The following NTRK3 variants were observed in gnomAD, a reference collection of about 807,000 sequenced individuals.
NTRK3 encodes NT-3 growth factor receptor.
Under a neutral mutation model 91.7 loss-of-function variants are expected in NTRK3, and 24 were observed. The observed-to-expected ratio is 0.26, with a 90% CI of 0.19 to 0.37. The LOEUF (loss-of-function observed/expected upper bound fraction) is 0.37, where lower values mean the gene tolerates loss of function less well. Among genes scored for constraint, NTRK3 ranks in the 10% least tolerant of loss-of-function variants. The probability of loss-of-function intolerance (pLI) is 1.00; values close to 1 mark genes in which losing one functional copy is unlikely to be tolerated. For synonymous variants in NTRK3, 483 were observed against 404.0 expected (o/e 1.20, Z -2.34); for missense variants, 880 against 1,068.9 (o/e 0.82, Z 2.46).
intron 17 of NTRK3, among the ~76,000 whole-genome samples, chr15:87,909,779 A>T (rs2066980376): frequency 6.6e-6 from 1 of 152,188 alleles, no homozygotes; most frequent in Admixed American, 6.5e-5. Context: ...TGGGGTCCTT[A>T]TAAGAAGAGA....
At chr15:88,227,137 C>G (rs553313253) in intron 3 of NTRK3, among the ~76,000 whole-genome samples, 147 of 152,256 alleles carry the variant, frequency 9.7e-4, no homozygotes, top group African/African-American at 3.1e-3. Flanking sequence ...ACCTCTTATT[C>G]TCTCTCTCCC....
At chr15:88,013,534 G>T (rs1256808332) in intron 14 of NTRK3, among the ~76,000 whole-genome samples, 1 of 152,204 alleles carries the variant, frequency 6.6e-6, no homozygotes. Flanking sequence ...GAATAGAAAT[G>T]AATTCCCTTT....
chr15:87,881,685 C>G (rs1295896577), intron 17 of NTRK3, among the ~76,000 whole-genome samples: 1 of 152,052 alleles, frequency 6.6e-6, no homozygotes, highest in Non-Finnish European at 1.5e-5. Context: ...TCCCAAAGTG[C>G]TGGGATTACA....
chr15:87,894,725 A>G (rs891324734), intron 17 of NTRK3, among the ~76,000 whole-genome samples: 4 of 152,142 alleles, frequency 2.6e-5, no homozygotes, highest in African/African-American at 7.2e-5. Context: ...GTATGTCTCA[A>G]TAGTTCCTTC....
chr15:88,196,284 G>A (rs2047812229), intron 3 of NTRK3, among the ~76,000 whole-genome samples: 1 of 152,190 alleles, frequency 6.6e-6, no homozygotes, highest in Admixed American at 6.5e-5. Context: ...GATTAGTCAA[G>A]GTAAGCATCA....
intron 14 of NTRK3, among the ~76,000 whole-genome samples, chr15:87,941,392 A>C (rs1240809463): frequency 6.6e-6 from 1 of 152,184 alleles, no homozygotes; most frequent in Admixed American, 6.5e-5. Flanking sequence ...GAGATAATCC[A>C]TATAAAGAGC....
rs1006046 is a variant in NTRK3, at chr15:87,932,935, A to C, written c.1889+77T>G. 0.052 allele frequency: 76,268 copies of C among 1,475,410 alleles called. 2,266 individuals are homozygous for C. Among genetic ancestry groups the C allele is most frequent in the African/African-American group, 0.077 (5,593 of 72,278 alleles). 91.4% of individuals were successfully genotyped at this position (1,475,410 alleles called of 1,614,324 possible). ...GGAAAGTGTTTAGAGGGGGTAGTAT[A>C]ATTTCTGGCTCCAGGGAAAACCCCA... On this transcript the variant is annotated intron_variant, in intron 16 of 18. Coordinates refer to ENST00000394480, the Ensembl canonical transcript of NTRK3.
chr15:88,123,774 G>C (rs905522649), intron 13 of NTRK3, among the ~76,000 whole-genome samples: 2 of 152,188 alleles, frequency 1.3e-5, no homozygotes, highest in Admixed American at 1.3e-4. Flanking sequence ...ATTGGCAATT[G>C]GTTGAAAGAG....
chr15:87,929,291 C>A, exon 17 of NTRK3: 1 of 1,614,118 alleles, frequency 6.2e-7, no homozygotes, highest in Non-Finnish European at 8.5e-7. Context: ...GGCCAGGTCT[C>A]GGTGCACAAA....
At chr15:88,072,323 T>TC (rs1218852720) in intron 13 of NTRK3, 1 of 189,946 alleles carries the variant, frequency 5.3e-6, no homozygotes, top group Non-Finnish European at 1.1e-5. Flanking sequence ...CTTTTCATAC[T>TC]CCCCTCAGGG....
chr15:88,084,947 T>C (rs16941225), intron 13 of NTRK3, among the ~76,000 whole-genome samples: 5,132 of 152,270 alleles, frequency 0.034, 273 homozygotes, highest in African/African-American at 0.11. Flanking sequence ...ACAATCTGCA[T>C]GTGCTGCACA....
chr15:88,043,746 T>C (rs1166269531), intron 13 of NTRK3, among the ~76,000 whole-genome samples: 1 of 152,134 alleles, frequency 6.6e-6, no homozygotes, highest in Non-Finnish European at 1.5e-5. Flanking sequence ...TTCTTTCAAA[T>C]TAAAGTGAGG....
At chr15:88,176,280 G>T (rs2045988739) in intron 5 of NTRK3, among the ~76,000 whole-genome samples, 1 of 151,870 alleles carries the variant, frequency 6.6e-6, no homozygotes, top group African/African-American at 2.4e-5. Context: ...GGGACTACAG[G>T]CAAGCGCCAC....
intron 13 of NTRK3, among the ~76,000 whole-genome samples, chr15:88,036,821 C>T (rs1405928005): frequency 6.6e-6 from 1 of 152,194 alleles, no homozygotes; most frequent in East Asian, 1.9e-4. Flanking sequence ...CCTTTCTGTT[C>T]TCAGCATTAT....
At chr15:88,207,689 CA>C (rs1235326387) in intron 3 of NTRK3, among the ~76,000 whole-genome samples, 1 of 151,858 alleles carries the variant, frequency 6.6e-6, no homozygotes, top group Non-Finnish European at 1.5e-5. Context: ...GCAAAAGAAG[CA>C]GGTCCCCAGA....
At chr15:87,959,124 C>A (rs2071988589) in intron 14 of NTRK3, among the ~76,000 whole-genome samples, 2 of 152,152 alleles carry the variant, frequency 1.3e-5, no homozygotes, top group South Asian at 2.1e-4. Context: ...GCTCTCCAAC[C>A]ACTCAGTGGA....
At chr15:88,109,858 T>A (rs886952862) in intron 13 of NTRK3, among the ~76,000 whole-genome samples, 2 of 152,188 alleles carry the variant, frequency 1.3e-5, no homozygotes, top group Non-Finnish European at 2.9e-5. Context: ...ACCTGCAGAT[T>A]ACTCACAGCT....
At chr15:88,181,719 C>T (rs1184468136) in intron 5 of NTRK3, among the ~76,000 whole-genome samples, 1 of 152,186 alleles carries the variant, frequency 6.6e-6, no homozygotes, top group Admixed American at 6.5e-5. Flanking sequence ...GCATTTAAAA[C>T]TTGAGTTGTT....
intron 13 of NTRK3, among the ~76,000 whole-genome samples, chr15:88,061,876 C>G (rs1453173107): frequency 6.6e-6 from 1 of 152,204 alleles, no homozygotes; most frequent in Non-Finnish European, 1.5e-5. Context: ...AGTTTCCTTT[C>G]TGAGCCTCAG....
Sources: gnomAD v4.1 joint callset for allele counts (sites outside exome capture counted in the v4.1 genomes callset) on GRCh38, gnomAD v4.1.1 for gene constraint, MANE v1.5 for transcripts, NCBI Gene and HGNC (gene_info 2026-07-23, HGNC 2026-07-21) for gene names.